MXI1: variants seen among roughly 807,000 people sequenced by gnomAD.
MXI1 encodes MAX interactor 1, dimerization protein, also known as max-interacting protein 1.
Under a neutral mutation model 36.9 loss-of-function variants are expected in MXI1, and 18 were observed. The observed-to-expected ratio is 0.49, with a 90% confidence interval of 0.34 to 0.72. MXI1 has a LOEUF of 0.72. Among genes scored for constraint, MXI1 ranks in the 30% least tolerant of loss-of-function variants. The pLI is 0.01. For missense variants in MXI1, 304 were observed against 379.1 expected (o/e 0.80, Z 1.64); for synonymous variants, 160 against 146.7 (o/e 1.09, Z -0.65).
intron 1 of MXI1, 173 bp downstream of exon 1, chr10:110,208,255 A>C: frequency 1.7e-6 from 1 of 603,482 alleles, no homozygotes; most frequent in South Asian, 2.3e-5. Flanking sequence ...AAAGCTGCTA[A>C]AGATGTAACA....
intron 3 of MXI1, among the ~76,000 whole-genome samples, chr10:110,250,037 T>C (rs1478345865): frequency 6.6e-6 from 1 of 152,134 alleles, no homozygotes; most frequent in Non-Finnish European, 1.5e-5. Context: ...TGGTGGAGAT[T>C]TGGGTTTTGG....
At chr10:110,225,880 T>A (rs939131161) in intron 1 of MXI1, 20 of 486,072 alleles carry the variant, frequency 4.1e-5, no homozygotes, top group Non-Finnish European at 5.1e-5. Context: ...TGCACTACGA[T>A]TCCCGGCAGC....
chr10:110,278,781 GA>G (rs1857133882), intron 3 of MXI1, among the ~76,000 whole-genome samples: 1 of 151,998 alleles, frequency 6.6e-6, no homozygotes, highest in African/African-American at 2.4e-5. Flanking sequence ...AGAAACTTGT[GA>G]GCATATTATA....
chr10:110,208,668 G>T (rs1854423465), intron 1 of MXI1: 1 of 151,866 alleles, frequency 6.6e-6, no homozygotes, highest in Non-Finnish European at 1.5e-5. Flanking sequence ...TCTAGCAGCA[G>T]GACTGGGCTC....
At chr10:110,269,377 T>C (rs1362951374) in intron 3 of MXI1, among the ~76,000 whole-genome samples, 1 of 152,248 alleles carries the variant, frequency 6.6e-6, no homozygotes, top group Non-Finnish European at 1.5e-5. Flanking sequence ...TTAAAGGTGC[T>C]TTGCTATTTT....
At chr10:110,209,382 T>C (rs1398959293) in intron 1 of MXI1, among the ~76,000 whole-genome samples, 1 of 151,804 alleles carries the variant, frequency 6.6e-6, no homozygotes, top group East Asian at 1.9e-4. Context: ...TTGCAACGTG[T>C]CAGATCTTGC....
At chr10:110,240,320 C>T (rs887444894) in intron 2 of MXI1, among the ~76,000 whole-genome samples, 2 of 151,826 alleles carry the variant, frequency 1.3e-5, no homozygotes, top group South Asian at 4.1e-4. Flanking sequence ...ATATATCCAG[C>T]TTTGATATGT....
chr10:110,223,183 C>T (rs940207089), intron 1 of MXI1, among the ~76,000 whole-genome samples: 1 of 152,260 alleles, frequency 6.6e-6, no homozygotes, highest in African/African-American at 2.4e-5. Flanking sequence ...ATGTAGCCAT[C>T]TCTTCCTAAC....
chr10:110,232,127 A>G (rs1230978069), intron 2 of MXI1, among the ~76,000 whole-genome samples: 1 of 151,996 alleles, frequency 6.6e-6, no homozygotes, highest in African/African-American at 2.4e-5. Context: ...TGCCCGGCTA[A>G]TTTTTTGTAT....
intron 1 of MXI1, among the ~76,000 whole-genome samples, chr10:110,215,671 A>G (rs1590325350): frequency 1.3e-5 from 2 of 152,228 alleles, no homozygotes; most frequent in Admixed American, 6.5e-5. Flanking sequence ...AACATTCTCA[A>G]TAGTCTTTCA....
At chr10:110,252,054 GGGAGACCAGTTT>G (rs1856112757) in intron 3 of MXI1, among the ~76,000 whole-genome samples, 1 of 152,102 alleles carries the variant, frequency 6.6e-6, no homozygotes, top group Non-Finnish European at 1.5e-5. Flanking sequence ...TGTAGAAGCA[GGGAGACCAGTTT>G]GGATGCTTTC....
intron 1 of MXI1, among the ~76,000 whole-genome samples, chr10:110,209,071 GCTT>G (rs1327972926): frequency 1.3e-5 from 2 of 149,318 alleles, no homozygotes; most frequent in African/African-American, 2.5e-5. Flanking sequence ...CCCTGGCCTG[GCTT>G]CTTTTTTGTA....
At position 110,244,763 on chromosome 10, in the gene MXI1, ATCTG is replaced by A. The variant is rs934649905; in HGVS notation, c.408-61_408-58del. The A allele has an allele frequency of 5.1e-5, 71 of 1,400,286 alleles. 1 individual carries two copies. In the African/African-American group the frequency reaches 8.9e-4, roughly 17 times the overall value. 86.7% of individuals were successfully genotyped at this position (1,400,286 alleles called of 1,614,324 possible). ...ACTAGGTGTAGCATAGCAGTAACTAATCTGTCTTTCTATAGCTTTAGCAACAAAG... is the reference window on the plus strand; with the variant it reads ...ACTAGGTGTAGCATAGCAGTAACTAATCTTTCTATAGCTTTAGCAACAAAG... On this transcript the variant is annotated intron_variant, in intron 2 of 5. Transcript: ENST00000332674.
intron 3 of MXI1, chr10:110,257,761 C>G: frequency 3.7e-6 from 1 of 273,054 alleles, no homozygotes; most frequent in South Asian, 5.2e-5. Flanking sequence ...CACCAGCCTG[C>G]TCTATCCAGA....
At chr10:110,277,859 T>C (rs1590407372) in intron 3 of MXI1, among the ~76,000 whole-genome samples, 2 of 152,354 alleles carry the variant, frequency 1.3e-5, no homozygotes, top group African/African-American at 2.4e-5. Flanking sequence ...TGGCTGCTTA[T>C]TGCCTTCTCC....
intron 2 of MXI1, among the ~76,000 whole-genome samples, chr10:110,229,537 T>G (rs1227700315): frequency 1.3e-5 from 2 of 152,228 alleles, no homozygotes; most frequent in Non-Finnish European, 2.9e-5. Flanking sequence ...GGATTCACTT[T>G]TCTCCTTTGA....
intron 2 of MXI1, among the ~76,000 whole-genome samples, chr10:110,242,884 A>G (rs1161720467): frequency 1.3e-5 from 2 of 151,878 alleles, no homozygotes; most frequent in East Asian, 3.9e-4. Context: ...TCTAAATACA[A>G]TGTTTCCATT....
intron 3 of MXI1, chr10:110,257,011 A>G (rs1281510860): frequency 6.6e-6 from 1 of 152,214 alleles, no homozygotes; most frequent in Non-Finnish European, 1.5e-5. Flanking sequence ...AGCATATGAA[A>G]AGAATATACC....
chr10:110,262,316 T>C (rs1330104742), intron 3 of MXI1, among the ~76,000 whole-genome samples: 1 of 152,186 alleles, frequency 6.6e-6, no homozygotes, highest in Non-Finnish European at 1.5e-5. Context: ...TAGAGGAGGA[T>C]GTACATAGGT....
Sources: gnomAD v4.1 joint callset for allele counts (sites outside exome capture counted in the v4.1 genomes callset) on GRCh38, gnomAD v4.1.1 for gene constraint, MANE v1.5 for transcripts, NCBI Gene and HGNC (gene_info 2026-07-23, HGNC 2026-07-21) for gene names.